GNB4: variants seen among roughly 807,000 people sequenced by gnomAD.
GNB4 encodes G protein subunit beta 4, also known as guanine nucleotide-binding protein subunit beta-4.
GNB4 carries 28 observed loss-of-function variants against 45.2 expected under a neutral mutation model. That is an observed-to-expected ratio of 0.62 (90% confidence interval 0.46 to 0.85). The LOEUF (loss-of-function observed/expected upper bound fraction) is 0.85, where lower values mean the gene tolerates loss of function less well. Among genes scored for constraint, GNB4 ranks in the 40% least tolerant of loss-of-function variants. GNB4 has a pLI of 0.00. For synonymous variants in GNB4, 132 were observed against 143.7 expected, an observed-to-expected ratio of 0.92 and a Z score of 0.58; for missense variants, 321 against 425.4, an observed-to-expected ratio of 0.75 and a Z score of 2.16.
At chr3:179,403,042 AATCAGCCCTC>A (rs1387705714) in intron 9 of GNB4, among the ~76,000 whole-genome samples, 2 of 152,192 alleles carry the variant, frequency 1.3e-5, no homozygotes, top group Non-Finnish European at 2.9e-5. Context: ...TTTCTCTTGA[AATCAGCCCTC>A]AAACTGGCAG....
At chr3:179,488,340 T>G in the GNB4 span, among the ~76,000 whole-genome samples, 1 of 152,182 alleles carries the variant, frequency 6.6e-6, no homozygotes, top group Non-Finnish European at 1.5e-5. Flanking sequence ...GTAACATGTG[T>G]GTTTTTTCAG....
At chr3:179,514,047 A>C in the GNB4 span, among the ~76,000 whole-genome samples, 1 of 152,228 alleles carries the variant, frequency 6.6e-6, no homozygotes, top group Non-Finnish European at 1.5e-5. Context: ...CAGTGATGAC[A>C]AGGATGAATC....
chr3:179,498,750 T>G, the GNB4 span, among the ~76,000 whole-genome samples: 1 of 121,254 alleles, frequency 8.2e-6, no homozygotes, highest in Admixed American at 7.7e-5. Flanking sequence ...TGAGGTTTGG[T>G]TTTTTTTTTT....
intron 5 of GNB4, 57 bp downstream of exon 5, chr3:179,416,436 C>T: frequency 2.0e-6 from 2 of 1,007,912 alleles, no homozygotes; most frequent in Non-Finnish European, 3.0e-6. Flanking sequence ...AAGGAAAGAA[C>T]TGGTGAACAG....
chr3:179,420,966 C>G, intron 2 of GNB4, 39 bp from the exon 3 acceptor site: 1 of 1,179,814 alleles, frequency 8.5e-7, no homozygotes, highest in Non-Finnish European at 1.3e-6. Flanking sequence ...ATTTAGCAAC[C>G]TGTGGAATGA....
At chr3:179,421,047 T>G in intron 2 of GNB4, 120 bp from the exon 3 acceptor site, 2 of 626,270 alleles carry the variant, frequency 3.2e-6, no homozygotes, top group Non-Finnish European at 5.7e-6. Context: ...CTTTAAAAAT[T>G]TTTTTAATTG....
chr3:179,439,349 T>C (rs1715540058), intron 1 of GNB4, among the ~76,000 whole-genome samples: 1 of 152,122 alleles, frequency 6.6e-6, no homozygotes, highest in Non-Finnish European at 1.5e-5. Flanking sequence ...TAAAGACATC[T>C]GTGAAAGGAA....
the GNB4 span, among the ~76,000 whole-genome samples, chr3:179,521,053 G>C: frequency 6.6e-6 from 1 of 152,122 alleles, no homozygotes; most frequent in Non-Finnish European, 1.5e-5. Flanking sequence ...ATCAAACTCG[G>C]GGATTTGCCC....
the GNB4 span, among the ~76,000 whole-genome samples, chr3:179,477,100 C>A: frequency 6.6e-6 from 1 of 152,090 alleles, no homozygotes; most frequent in Non-Finnish European, 1.5e-5. Flanking sequence ...TCTGAAGTGC[C>A]TTTGGAGTCA....
chr3:179,470,861 AT>A, the GNB4 span, among the ~76,000 whole-genome samples: 1 of 152,204 alleles, frequency 6.6e-6, no homozygotes, highest in Non-Finnish European at 1.5e-5. Flanking sequence ...AAGTTTAAAA[AT>A]AATTTAAAAG....
At chr3:179,520,165 T>C in the GNB4 span, among the ~76,000 whole-genome samples, 52 of 119,450 alleles carry the variant, frequency 4.4e-4, no homozygotes, top group Non-Finnish European at 7.3e-4. Context: ...CTGCTTTCAC[T>C]TAGACTGACC....
At position 179,401,052 on chromosome 3, in the gene GNB4, C is replaced by T. The variant is rs535532872; in HGVS notation, c.*161G>A. 1 of 524,980 alleles carries T rather than the reference C, an allele frequency of 1.9e-6. No individual in the cohort carries two copies. The highest frequency in any genetic ancestry group is 1.9e-5 in the African/African-American group (1 of 51,344). The allele number at this position is 524,980 out of a possible 1,614,324, so 32.5% of individuals were successfully genotyped here. A position where few individuals can be genotyped will look rare whatever the true frequency, so the allele number is the denominator to read the frequency against. On this transcript the variant is annotated 3_prime_UTR_variant, in exon 10 of 10. Transcript: ENST00000232564. ...AGGCGCCTTTGCCTTTTTTCCTCCA[C>T]CCCCACTTTTTTTTTGGTAGTTTAC...
intron 9 of GNB4, among the ~76,000 whole-genome samples, chr3:179,402,894 G>GT (rs1714344702): frequency 6.6e-6 from 1 of 152,168 alleles, no homozygotes; most frequent in Non-Finnish European, 1.5e-5. Context: ...GCGCTGTGGC[G>GT]TAAGGCCAGA....
the GNB4 span, among the ~76,000 whole-genome samples, chr3:179,466,915 C>G: frequency 9.5e-4 from 144 of 152,332 alleles, no homozygotes; most frequent in African/African-American, 3.3e-3. Flanking sequence ...GGACAAAGTT[C>G]TATCCCTAAT....
At chr3:179,523,676 T>C in the GNB4 span, among the ~76,000 whole-genome samples, 2 of 152,014 alleles carry the variant, frequency 1.3e-5, no homozygotes, top group East Asian at 3.9e-4. Context: ...GATGGGATAT[T>C]GGTGTTGAGC....
chr3:179,404,998 A>C (rs1714421209), intron 9 of GNB4, among the ~76,000 whole-genome samples, 192 bp downstream of exon 9: 1 of 152,244 alleles, frequency 6.6e-6, no homozygotes, highest in South Asian at 2.1e-4. Context: ...GTGATTCTTC[A>C]GAAAGCAAAA....
chr3:179,428,861 CCTT>C (rs1715222512), intron 1 of GNB4, among the ~76,000 whole-genome samples: 1 of 152,114 alleles, frequency 6.6e-6, no homozygotes, highest in South Asian at 2.1e-4. Context: ...ATACCAGTGA[CCTT>C]CTAAAGCAGG....
chr3:179,469,834 A>G, the GNB4 span, among the ~76,000 whole-genome samples: 1 of 152,222 alleles, frequency 6.6e-6, no homozygotes, highest in African/African-American at 2.4e-5. Context: ...ATGCAAAAAC[A>G]TACTAATGTT....
intron 1 of GNB4, among the ~76,000 whole-genome samples, chr3:179,443,829 T>C (rs1411413640): frequency 6.6e-6 from 1 of 152,210 alleles, no homozygotes; most frequent in Non-Finnish European, 1.5e-5. Context: ...TTTGGGATTC[T>C]ATCCCATCCC....
Sources: gnomAD v4.1 joint callset for allele counts (sites outside exome capture counted in the v4.1 genomes callset) on GRCh38, gnomAD v4.1.1 for gene constraint, MANE v1.5 for transcripts, NCBI Gene and HGNC (gene_info 2026-07-23, HGNC 2026-07-21) for gene names.